ANKRD17: variants seen among roughly 807,000 people sequenced by gnomAD.
ANKRD17 encodes the protein ankyrin repeat domain 17.
A neutral mutation model predicts 229.7 loss-of-function variants in ANKRD17; 19 were observed. That is an observed-to-expected ratio of 0.08 (90% confidence interval 0.06 to 0.12). The LOEUF is 0.12. ANKRD17 is among the 10% of genes least tolerant of loss of function. The pLI is 1.00. For missense variants in ANKRD17, 2,176 were observed against 3,176.8 expected (o/e 0.68, Z 7.57); for synonymous variants, 1,112 against 1,146.1 (o/e 0.97, Z 0.60).
At chr4:73,101,681 A>AAT (rs1553913811) in intron 25 of ANKRD17, among the ~76,000 whole-genome samples, 1 of 150,602 alleles carries the variant, frequency 6.6e-6, no homozygotes, top group East Asian at 2.0e-4. Context: ...AAAAAAAAAA[A>AAT]GGATTTATAG....
At chr4:73,143,431 C>G (rs1434959377) in intron 11 of ANKRD17, among the ~76,000 whole-genome samples, 2 of 152,154 alleles carry the variant, frequency 1.3e-5, no homozygotes, top group Non-Finnish European at 2.9e-5. Context: ...CACCTGACCT[C>G]TATCCCTAAT....
At chr4:73,234,475 T>C (rs1196317700) in intron 1 of ANKRD17, among the ~76,000 whole-genome samples, 1 of 152,242 alleles carries the variant, frequency 6.6e-6, no homozygotes, top group Non-Finnish European at 1.5e-5. Context: ...TCTGTTTATA[T>C]TTGCAAATGA....
At chr4:73,167,069 T>A (rs1733329764) in intron 2 of ANKRD17, among the ~76,000 whole-genome samples, 1 of 152,192 alleles carries the variant, frequency 6.6e-6, no homozygotes, top group African/African-American at 2.4e-5. Flanking sequence ...TATTTATATA[T>A]ATGAAATGGT....
Position 73,121,105 on chromosome 4 carries a change from AG to A in ANKRD17, c.3636-12del. On this transcript the variant is annotated splice_polypyrimidine_tract_variant and intron_variant, in intron 19 of 33. Transcript: ENST00000358602. ...AATTTGCTACCAGTTCTAGGGGTGCAGGTATGGGGAAAACAAATGGAAAAAT... is the reference window on the plus strand; with the variant it reads ...AATTTGCTACCAGTTCTAGGGGTGCAGTATGGGGAAAACAAATGGAAAAAT... 3 of 1,606,378 alleles carry A rather than the reference AG, an allele frequency of 1.9e-6. No individual in the cohort carries two copies. Among genetic ancestry groups the A allele is most frequent in the Non-Finnish European group, 2.6e-6 (3 of 1,173,228 alleles).
chr4:73,202,028 T>C (rs981508274), intron 1 of ANKRD17, among the ~76,000 whole-genome samples: 1 of 152,160 alleles, frequency 6.6e-6, no homozygotes. Flanking sequence ...AAGACTAAGA[T>C]GTGGCACTTT....
intron 1 of ANKRD17, among the ~76,000 whole-genome samples, chr4:73,185,446 T>C (rs1578315927): frequency 6.6e-6 from 1 of 152,058 alleles, no homozygotes; most frequent in East Asian, 1.9e-4. Context: ...TTAAAACAAA[T>C]AATCCCCACA....
intron 1 of ANKRD17, among the ~76,000 whole-genome samples, chr4:73,204,650 T>C (rs1739210234): frequency 6.6e-6 from 1 of 151,964 alleles, no homozygotes; most frequent in Non-Finnish European, 1.5e-5. Flanking sequence ...TTTAAGAAAA[T>C]ATCTTTAAAT....
intron 22 of ANKRD17, among the ~76,000 whole-genome samples, chr4:73,116,123 C>T (rs536894068): frequency 8.3e-4 from 123 of 147,482 alleles, no homozygotes; most frequent in Non-Finnish European, 1.6e-3. Flanking sequence ...AAAAAAAGTA[C>T]ATAATAATAT....
At chr4:73,097,993 T>G in intron 26 of ANKRD17, 80 bp downstream of exon 26, 2 of 1,380,772 alleles carry the variant, frequency 1.4e-6, no homozygotes, top group Non-Finnish European at 2.0e-6. Flanking sequence ...GTTGCAAATT[T>G]ACTTTCTTTA....
Position 73,139,796 on chromosome 4 carries a change from T to C in ANKRD17, c.2820A>G (p.Glu940=), listed in dbSNP as rs532583695. 1.2e-6 allele frequency: 2 copies of C among 1,614,140 alleles called. No individual in the cohort carries two copies. The highest frequency in any genetic ancestry group is 1.1e-5 in the South Asian group (1 of 91,082). ...CCATCTGAGCAGCAGTCTGCTGGGG[T>C]TCATCTTTAAGTAAAACAGGATCCA... ...QQVDPVLLKD[E]PQQTAAQMGF... is the part of the protein sequence containing the mutation. Residue 940 remains glutamate (E), a synonymous_variant, in exon 15 of 34, where the codon GAA becomes GAG. Coordinates refer to ENST00000358602, the MANE Select transcript of ANKRD17 (RefSeq NM_032217.5).
intron 1 of ANKRD17, among the ~76,000 whole-genome samples, chr4:73,221,191 G>T (rs187327622): frequency 7.8e-4 from 118 of 152,148 alleles, no homozygotes; most frequent in African/African-American, 2.1e-3. Context: ...ATGATAGGAT[G>T]CAACAGGTAC....
At position 73,147,516 on chromosome 4, in the gene ANKRD17, GA is replaced by G. The variant is rs113699326; in HGVS notation, c.1568-85del. On this transcript the variant is annotated intron_variant, in intron 8 of 33. Coordinates refer to ENST00000358602, the MANE Select transcript of ANKRD17 (RefSeq NM_032217.5). ...AAACATGATTGTTTCTTAATAAACT[GA>G]ATCTTTAAAATGAACATTTATATTA... 9.8e-4 allele frequency: 1,107 copies of G among 1,133,730 alleles called. 18 individuals are homozygous for G. In the South Asian group the frequency reaches 0.016, roughly 16 times the overall value. 70.2% of individuals were successfully genotyped at this position (1,133,730 alleles called of 1,614,324 possible). A position where few individuals can be genotyped will look rare whatever the true frequency, so the allele number is the denominator to read the frequency against.
chr4:73,109,877 T>C (rs1238078184), intron 24 of ANKRD17, among the ~76,000 whole-genome samples: 1 of 151,528 alleles, frequency 6.6e-6, no homozygotes, highest in Non-Finnish European at 1.5e-5. Flanking sequence ...GGCAGGATTA[T>C]TAAAAGTAGA....
At chr4:73,236,452 A>T (rs1743519929) in intron 1 of ANKRD17, among the ~76,000 whole-genome samples, 1 of 152,136 alleles carries the variant, frequency 6.6e-6, no homozygotes, top group Non-Finnish European at 1.5e-5. Flanking sequence ...ACCAGCCTGA[A>T]ATCCAGTCCT....
chr4:73,169,868 G>A (rs751362627), intron 2 of ANKRD17, among the ~76,000 whole-genome samples: 1 of 152,180 alleles, frequency 6.6e-6, no homozygotes, highest in Non-Finnish European at 1.5e-5. Context: ...GCTCGTGGAG[G>A]GAGCTTTTGG....
chr4:73,109,262 T>C (rs941009776), intron 24 of ANKRD17, among the ~76,000 whole-genome samples: 4 of 150,878 alleles, frequency 2.7e-5, no homozygotes, highest in African/African-American at 7.3e-5. Flanking sequence ...ATCGCACCAC[T>C]GCTCTGCAGC....
chr4:73,223,041 G>C, intron 1 of ANKRD17: 1 of 1,535,898 alleles, frequency 6.5e-7, no homozygotes. Context: ...TTATCAAACT[G>C]CCATGTTTCT....
At chr4:73,252,472 G>C (rs72663025) in intron 1 of ANKRD17, among the ~76,000 whole-genome samples, 3,654 of 152,268 alleles carry the variant, frequency 0.024, 63 homozygotes, top group Middle Eastern at 0.048. Flanking sequence ...TCTGTAGTGA[G>C]AATGTTTCAA....
chr4:73,144,795 T>C lies in ANKRD17; in HGVS notation c.1907A>G (p.Lys636Arg). Residue 636 changes from lysine (K) to arginine (R), a missense_variant, in exon 11 of 34, where the codon AAA becomes AGA. Physicochemically the swap from Lys to Arg is conservative, Grantham distance 26. Coordinates refer to ENST00000358602, the MANE Select transcript of ANKRD17 (RefSeq NM_032217.5). Reference protein sequence around the residue: ...ESEGGRTPLMKAARAGHVCTV... With the variant: ...ESEGGRTPLMRAARAGHVCTV... ...ACAAACATGACCAGCTCTTGCAGCT[T>C]TCATTAAAGGAGTTCTTCCACCTTC... 1 of 1,606,280 alleles carries C rather than the reference T, an allele frequency of 6.2e-7. No homozygotes were observed.
Sources: allele counts gnomAD v4.1 joint callset (sites outside exome capture counted in the v4.1 genomes callset), GRCh38; gene constraint gnomAD v4.1.1; transcripts MANE v1.5; gene names NCBI Gene and HGNC (gene_info 2026-07-23, HGNC 2026-07-21).